SCLT1: variants seen among roughly 807,000 people sequenced by gnomAD.
The protein encoded by SCLT1 is sodium channel-associated protein 1.
SCLT1 carries 78 observed loss-of-function variants against 112.8 expected under a neutral mutation model. That is an observed-to-expected ratio of 0.69 (90% CI 0.58 to 0.83). SCLT1 has a LOEUF of 0.83. Ranked by LOEUF, SCLT1 falls within the 40% of genes least tolerant of loss-of-function variation. SCLT1 has a pLI of 0.00. For missense variants in SCLT1, 747 were observed against 770.4 expected, an observed-to-expected ratio of 0.97 and a Z score of 0.36; for synonymous variants, 257 against 254.7, an observed-to-expected ratio of 1.01 and a Z score of -0.09.
chr4:129,031,609 C>G (rs1746728817), intron 5 of SCLT1, among the ~76,000 whole-genome samples: 1 of 152,116 alleles, frequency 6.6e-6, no homozygotes, highest in African/African-American at 2.4e-5. Flanking sequence ...GCAACTTCAG[C>G]AAAGTCTCAG....
chr4:129,052,382 A>G (rs1053504326), intron 2 of SCLT1, among the ~76,000 whole-genome samples: 3 of 152,186 alleles, frequency 2.0e-5, no homozygotes, highest in African/African-American at 4.8e-5. Context: ...TAGGCTATTA[A>G]TTACTGCCTC....
At chr4:128,937,055 G>T (rs1455484510) in intron 17 of SCLT1, among the ~76,000 whole-genome samples, 1 of 152,044 alleles carries the variant, frequency 6.6e-6, no homozygotes, top group African/African-American at 2.4e-5. Flanking sequence ...AAGGTGGGCA[G>T]ATCACGAGGT....
At chr4:129,054,972 G>A (rs1461556959) in intron 2 of SCLT1, among the ~76,000 whole-genome samples, 1 of 152,196 alleles carries the variant, frequency 6.6e-6, no homozygotes, top group East Asian at 1.9e-4. Flanking sequence ...TGATGTTGAT[G>A]TTACTGGTTT....
chr4:129,064,858 T>C (rs1750330939), intron 2 of SCLT1, among the ~76,000 whole-genome samples: 1 of 152,126 alleles, frequency 6.6e-6, no homozygotes, highest in South Asian at 2.1e-4. Context: ...TTATAAGTAA[T>C]TTGAAACCCT....
At chr4:129,087,402 G>A (rs1259725405) in intron 1 of SCLT1, among the ~76,000 whole-genome samples, 2 of 151,908 alleles carry the variant, frequency 1.3e-5, no homozygotes, top group African/African-American at 4.8e-5. Context: ...CTTACAGAAA[G>A]TTGAAGAGTA....
intron 8 of SCLT1, among the ~76,000 whole-genome samples, chr4:128,992,766 TC>T (rs755636924): frequency 1.9e-4 from 29 of 151,976 alleles, no homozygotes; most frequent in Non-Finnish European, 3.5e-4. Context: ...TTACTGGTGC[TC>T]CCTGGTATTA....
chr4:128,997,729 T>C lies in SCLT1; in HGVS notation c.615+145A>G, dbSNP rs147265578. 4.3e-3 allele frequency: 1,950 copies of C among 456,476 alleles called. 3 individuals are homozygous for C. The highest frequency in any genetic ancestry group is 6.1e-3 in the Non-Finnish European group (1,545 of 254,890). 28.3% of individuals were successfully genotyped at this position (456,476 alleles called of 1,614,324 possible). ...CCAAAAGGTACTGTAAACTGTGTCA[T>C]GCTATTGAATGAGAAAGCAAAAGCA... On this transcript the variant is annotated intron_variant, in intron 8 of 20. Coordinates refer to ENST00000281142, the MANE Select transcript of SCLT1 (RefSeq NM_144643.4).
chr4:128,875,268 G>A (rs1399267646), intron 4 of SCLT1: 1 of 152,614 alleles, frequency 6.6e-6, no homozygotes, highest in Non-Finnish European at 1.5e-5. Context: ...ATATTTAAAG[G>A]TATATATGAC....
chr4:128,876,424 G>C (rs1732521777), intron 4 of SCLT1: 1 of 152,144 alleles, frequency 6.6e-6, no homozygotes, highest in Admixed American at 6.5e-5. Context: ...ATCATTGGCA[G>C]CTGTGCAATC....
chr4:128,884,400 G>A lies in SCLT1; in HGVS notation c.*77C>T, dbSNP rs529614468. On this transcript the variant is annotated 3_prime_UTR_variant, in exon 21 of 21. Coordinates refer to ENST00000281142, the MANE Select transcript of SCLT1 (RefSeq NM_144643.4). ...CAAGCCTTAACTATTATACTTTGCA[G>A]GCTTTACCATTTCAATACACTTCTA... is the stretch of plus-strand genomic sequence containing the variant. The A allele has an allele frequency of 4.2e-4, 354 of 852,474 alleles. 2 individuals are homozygous for A. The African/African-American group carries it at 5.2e-3, about 12-fold the overall frequency. The allele number at this position is 852,474 out of a possible 1,614,324, so 52.8% of individuals were successfully genotyped here.
At chr4:128,976,079 A>C (rs1300739077) in intron 9 of SCLT1, among the ~76,000 whole-genome samples, 1 of 152,218 alleles carries the variant, frequency 6.6e-6, no homozygotes, top group African/African-American at 2.4e-5. Flanking sequence ...AGGTAATTCA[A>C]AATTCTAATT....
intron 2 of SCLT1, among the ~76,000 whole-genome samples, chr4:129,060,061 AAAC>A (rs1749814985): frequency 1.3e-5 from 2 of 152,284 alleles, no homozygotes; most frequent in South Asian, 4.1e-4. Flanking sequence ...AAAATATTTC[AAAC>A]AACCCGTCTT....
At chr4:128,873,256 GAAAAAAAAAAAAAAAAGAAAAAAAGA>G (rs1732328176) in intron 5 of SCLT1, 1 of 28,694 alleles carries the variant, frequency 3.5e-5, no homozygotes, top group Non-Finnish European at 7.4e-5. Context: ...TAAGAAAAAG[GAAAAAAAAAAAAAAAAGAAAAAAAGA>G]AAAAAAAAAG....
chr4:128,928,482 A>G (rs1447696614), intron 18 of SCLT1, among the ~76,000 whole-genome samples: 1 of 152,194 alleles, frequency 6.6e-6, no homozygotes, highest in Non-Finnish European at 1.5e-5. Flanking sequence ...AATTTATCCC[A>G]TTAACAGATT....
intron 6 of SCLT1, among the ~76,000 whole-genome samples, chr4:129,000,960 CA>C (rs1233669570): frequency 2.7e-5 from 4 of 148,106 alleles, no homozygotes; most frequent in Non-Finnish European, 4.5e-5. Context: ...AAAAAAAAAA[CA>C]AAAACTGTAG....
chr4:128,967,830 T>C (rs1391144864), intron 10 of SCLT1, among the ~76,000 whole-genome samples: 1 of 152,216 alleles, frequency 6.6e-6, no homozygotes, highest in Non-Finnish European at 1.5e-5. Context: ...TTTCCTTTGG[T>C]ATGCAGAAGC....
intron 9 of SCLT1, among the ~76,000 whole-genome samples, chr4:128,976,953 G>A (rs1043018319): frequency 7.9e-5 from 12 of 152,088 alleles, no homozygotes; most frequent in African/African-American, 2.9e-4. Flanking sequence ...CAATTTAAAG[G>A]CAAATGGGAA....
At chr4:128,943,300 T>C (rs1342015742) in intron 16 of SCLT1, 112 bp from the exon 17 acceptor site, 4 of 723,746 alleles carry the variant, frequency 5.5e-6, no homozygotes, top group African/African-American at 3.6e-5. Flanking sequence ...TTCTGAGCCA[T>C]TTCTTTCCAC....
chr4:128,954,888 A>C (rs2126007191), intron 13 of SCLT1, among the ~76,000 whole-genome samples: 1 of 152,328 alleles, frequency 6.6e-6, no homozygotes, highest in South Asian at 2.1e-4. Flanking sequence ...TTTGGTTCTT[A>C]TAAGCCTGTC....
Sources: gnomAD v4.1 joint callset for allele counts (sites outside exome capture counted in the v4.1 genomes callset) on GRCh38, gnomAD v4.1.1 for gene constraint, MANE v1.5 for transcripts, NCBI Gene and HGNC (gene_info 2026-07-23, HGNC 2026-07-21) for gene names.